BBS9: variants seen among roughly 807,000 people sequenced by gnomAD.
BBS9 encodes Bardet-Biedl syndrome 9.
A neutral mutation model predicts 117.7 loss-of-function variants in BBS9; 89 were observed. The observed-to-expected ratio is 0.76, with a 90% confidence interval of 0.64 to 0.90. BBS9 has a LOEUF of 0.90. Among genes scored for constraint, BBS9 ranks in the 40% least tolerant of loss-of-function variants. The pLI is 0.00. For missense variants in BBS9, 982 were observed against 1,042.2 expected (o/e 0.94, Z 0.80); for synonymous variants, 379 against 370.9 (o/e 1.02, Z -0.25).
At chr7:33,296,247 A>G (rs147211396) in intron 9 of BBS9, among the ~76,000 whole-genome samples, 1 of 152,128 alleles carries the variant, frequency 6.6e-6, no homozygotes, top group African/African-American at 2.4e-5. Context: ...TATTTTCTGA[A>G]CATATCTTGG....
intron 5 of BBS9, among the ~76,000 whole-genome samples, chr7:33,188,799 A>G (rs1269056374): frequency 1.3e-5 from 2 of 152,188 alleles, no homozygotes; most frequent in African/African-American, 4.8e-5. Flanking sequence ...TGAGGAATTC[A>G]TAGAGAAGAA....
chr7:33,136,037 C>T (rs1462441326), intron 1 of BBS9, among the ~76,000 whole-genome samples: 1 of 151,962 alleles, frequency 6.6e-6, no homozygotes, highest in Admixed American at 6.6e-5. Context: ...GATCCTCTTG[C>T]CTCAGCCTCC....
chr7:33,404,007 T>C (rs1201994279), intron 19 of BBS9, among the ~76,000 whole-genome samples: 3 of 152,206 alleles, frequency 2.0e-5, no homozygotes, highest in Non-Finnish European at 2.9e-5. Context: ...TGATTGCCAT[T>C]CTAACTGGTG....
chr7:33,551,147 A>T (rs1367592075), intron 21 of BBS9, among the ~76,000 whole-genome samples: 1 of 152,166 alleles, frequency 6.6e-6, no homozygotes, highest in African/African-American at 2.4e-5. Flanking sequence ...TTTGTTAAAA[A>T]TAGGCTTGGG....
chr7:33,606,603 G>A (rs1864583684), downstream of BBS9, among the ~76,000 whole-genome samples: 4 of 152,162 alleles, frequency 2.6e-5, no homozygotes, highest in African/African-American at 9.7e-5. Context: ...AATGTCTGGA[G>A]CAGAGAGGGT....
chr7:33,361,986 G>A (rs889455012), intron 16 of BBS9, among the ~76,000 whole-genome samples: 2 of 152,002 alleles, frequency 1.3e-5, no homozygotes, highest in Non-Finnish European at 1.5e-5. Context: ...CCATCTCAAC[G>A]GTTAAGTTGC....
intron 19 of BBS9, among the ~76,000 whole-genome samples, chr7:33,411,782 A>G (rs192665059): frequency 5.3e-5 from 8 of 152,254 alleles, no homozygotes; most frequent in African/African-American, 1.9e-4. Flanking sequence ...GATTCAATTT[A>G]AAGGATTGTG....
At chr7:33,495,950 A>G (rs796775423) in intron 19 of BBS9, among the ~76,000 whole-genome samples, 36 of 152,252 alleles carry the variant, frequency 2.4e-4, no homozygotes, top group African/African-American at 7.5e-4. Context: ...TTGTTTTTCT[A>G]AAACCGGTTT....
intron 12 of BBS9, among the ~76,000 whole-genome samples, chr7:33,346,890 A>G (rs986990157): frequency 6.6e-6 from 1 of 152,214 alleles, no homozygotes; most frequent in East Asian, 1.9e-4. Flanking sequence ...TTTCCTGGTC[A>G]CTATTTTCAA....
intron 9 of BBS9, among the ~76,000 whole-genome samples, chr7:33,331,971 C>T (rs1392977112): frequency 6.6e-6 from 1 of 152,040 alleles, no homozygotes; most frequent in African/African-American, 2.4e-5. Context: ...TCTTATGGAA[C>T]CAAAAAAGAG....
At chr7:33,434,470 A>G (rs755900900) in intron 19 of BBS9, among the ~76,000 whole-genome samples, 1 of 152,144 alleles carries the variant, frequency 6.6e-6, no homozygotes, top group Non-Finnish European at 1.5e-5. Flanking sequence ...TTGGTGGGCT[A>G]TCTTTTCTTA....
chr7:33,547,975 AG>A (rs1853687366), intron 21 of BBS9, among the ~76,000 whole-genome samples: 1 of 152,210 alleles, frequency 6.6e-6, no homozygotes, highest in Non-Finnish European at 1.5e-5. Context: ...GAGCAACTGT[AG>A]GGAAAGGTCT....
At chr7:33,569,586 A>G (rs1278765520) in intron 21 of BBS9, among the ~76,000 whole-genome samples, 1 of 147,210 alleles carries the variant, frequency 6.8e-6, no homozygotes, top group Non-Finnish European at 1.5e-5. Context: ...TCCCATCTCT[A>G]CTTAAAAAAA....
chr7:33,613,155 A>T (rs1864962711), intron 21 of BBS9, among the ~76,000 whole-genome samples: 1 of 152,054 alleles, frequency 6.6e-6, no homozygotes, highest in Non-Finnish European at 1.5e-5. Flanking sequence ...TAGGAAAGGG[A>T]GCTAGAAGAT....
chr7:33,476,120 AT>A (rs1464264856), intron 19 of BBS9, among the ~76,000 whole-genome samples: 1 of 152,230 alleles, frequency 6.6e-6, no homozygotes, highest in Non-Finnish European at 1.5e-5. Flanking sequence ...AATTTATAAC[AT>A]TTTGTAAAAT....
chr7:33,526,293 C>T (rs1016500952), intron 20 of BBS9, among the ~76,000 whole-genome samples: 3 of 152,212 alleles, frequency 2.0e-5, no homozygotes, highest in African/African-American at 7.2e-5. Flanking sequence ...TGAACATTGG[C>T]CTGCCTTGCT....
At chr7:33,360,999 A>C (rs1820518795) in intron 16 of BBS9, among the ~76,000 whole-genome samples, 1 of 152,150 alleles carries the variant, frequency 6.6e-6, no homozygotes, top group South Asian at 2.1e-4. Flanking sequence ...TTCAGGCATC[A>C]TATCTTACTA....
intron 9 of BBS9, among the ~76,000 whole-genome samples, chr7:33,331,870 A>C (rs1267318560): frequency 6.6e-6 from 1 of 152,218 alleles, no homozygotes; most frequent in African/African-American, 2.4e-5. Context: ...GAAAATGACC[A>C]TAATGCCCAA....
chr7:33,604,844 T>C (rs764212600), intron 21 of BBS9, 21 bp from the exon 22 acceptor site: 2 of 1,538,660 alleles, frequency 1.3e-6, no homozygotes, highest in South Asian at 2.3e-5. Flanking sequence ...GCTTAAAATA[T>C]TGTTTGTATT....
Sources: gnomAD v4.1 joint callset for allele counts (sites outside exome capture counted in the v4.1 genomes callset) on GRCh38, gnomAD v4.1.1 for gene constraint, MANE v1.5 for transcripts, NCBI Gene and HGNC (gene_info 2026-07-23, HGNC 2026-07-21) for gene names.